The following EIF4G3 variants were observed in gnomAD, a reference collection of about 807,000 sequenced individuals.
The protein encoded by EIF4G3 is eukaryotic translation initiation factor 4 gamma 3, also known as eIF-4-gamma 3.
In EIF4G3, 34 loss-of-function variants were observed where a neutral mutation model predicts 186.4. That is an observed-to-expected ratio of 0.18 (90% CI 0.14 to 0.24). The LOEUF is 0.24. EIF4G3 is among the 10% of genes least tolerant of loss of function. EIF4G3 has a pLI of 1.00. For synonymous variants in EIF4G3, 673 were observed against 679.5 expected (o/e 0.99, Z 0.15); for missense variants, 1,536 against 1,948.5 (o/e 0.79, Z 3.99).
intron 4 of EIF4G3, among the ~76,000 whole-genome samples, chr1:21,011,590 T>A (rs1433262563): frequency 6.6e-6 from 1 of 152,176 alleles, no homozygotes; most frequent in Non-Finnish European, 1.5e-5. Flanking sequence ...ATAACCACCA[T>A]TACAGTCAAA....
chr1:21,034,755 G>A (rs1369787939), intron 4 of EIF4G3, among the ~76,000 whole-genome samples: 3 of 152,164 alleles, frequency 2.0e-5, no homozygotes, highest in Non-Finnish European at 2.9e-5. Flanking sequence ...GCCCTGGGAT[G>A]GTACCAGGTT....
At position 20,933,596 on chromosome 1, in the gene EIF4G3, C is replaced by A. The variant is rs12083667; in HGVS notation, c.1663+7895G>T. 3.9e-3 allele frequency among the ~76,000 whole-genome samples: 586 copies of A among 152,112 alleles called. 5 individuals are homozygous for A. Among genetic ancestry groups the A allele is most frequent in the African/African-American group, 0.014 (563 of 41,488 alleles). ...CTTGAACCTGGGAGGCGGAAGGTTG[C>A]AGTGAGCTGAGATCACACCACCGCA... On this transcript the variant is annotated intron_variant, in intron 14 of 36. Transcript: ENST00000602326.
At chr1:21,142,482 A>G (rs914753385) in intron 2 of EIF4G3, among the ~76,000 whole-genome samples, 1 of 152,156 alleles carries the variant, frequency 6.6e-6, no homozygotes, top group African/African-American at 2.4e-5. Context: ...ACTCCAGCCT[A>G]AGTGACAGAG....
At chr1:21,151,140 A>G (rs181383495) in intron 2 of EIF4G3, among the ~76,000 whole-genome samples, 1 of 151,944 alleles carries the variant, frequency 6.6e-6, no homozygotes, top group African/African-American at 2.4e-5. Context: ...TTGAATATAC[A>G]TGCTACTTTT....
chr1:20,903,811 G>A (rs2091230862), intron 15 of EIF4G3, among the ~76,000 whole-genome samples: 1 of 152,182 alleles, frequency 6.6e-6, no homozygotes, highest in Middle Eastern at 3.4e-3. Context: ...CACACTCAAA[G>A]TTATCTTAAG....
At chr1:21,092,687 T>C (rs1180739310) in intron 2 of EIF4G3, among the ~76,000 whole-genome samples, 3 of 152,124 alleles carry the variant, frequency 2.0e-5, no homozygotes, top group Admixed American at 6.6e-5. Flanking sequence ...TCACACTACC[T>C]GACTTCAAAC....
intron 2 of EIF4G3, among the ~76,000 whole-genome samples, chr1:21,093,740 G>GCACATAATATA (rs1388920375): frequency 3.3e-5 from 5 of 152,158 alleles, no homozygotes; most frequent in Admixed American, 1.3e-4. Context: ...AGAAAATGTG[G>GCACATAATATA]CACATAATAT....
intron 20 of EIF4G3, among the ~76,000 whole-genome samples, chr1:20,868,670 G>A (rs911908786): frequency 6.6e-6 from 1 of 152,148 alleles, no homozygotes; most frequent in Non-Finnish European, 1.5e-5. Flanking sequence ...TTAGACAACT[G>A]CAATTTTCAC....
At chr1:20,873,182 C>G (rs1426262039) in intron 20 of EIF4G3, among the ~76,000 whole-genome samples, 1 of 152,222 alleles carries the variant, frequency 6.6e-6, no homozygotes, top group African/African-American at 2.4e-5. Flanking sequence ...TTTACTCAAA[C>G]TTACTCTTGT....
At chr1:20,956,617 CAAAAAAAAAAA>C (rs61623629) in intron 12 of EIF4G3, among the ~76,000 whole-genome samples, 1 of 114,574 alleles carries the variant, frequency 8.7e-6, no homozygotes, top group Non-Finnish European at 1.7e-5. Context: ...GTATAATTTA[CAAAAAAAAAAA>C]AAAAAAAAAC....
intron 19 of EIF4G3, among the ~76,000 whole-genome samples, chr1:20,883,786 C>A (rs994801501): frequency 6.6e-6 from 1 of 152,028 alleles, no homozygotes; most frequent in Non-Finnish European, 1.5e-5. Context: ...ATTGAGAGAA[C>A]AAGCTGGAAA....
intron 3 of EIF4G3, among the ~76,000 whole-genome samples, chr1:21,053,408 A>AAGGGAGGT (rs1453144524): frequency 2.3e-5 from 3 of 130,982 alleles, no homozygotes; most frequent in African/African-American, 8.8e-5. Flanking sequence ...CCCCGTCTGG[A>AAGGGAGGT]AGGGAGGTGG....
chr1:21,098,833 C>T (rs1051069017), intron 2 of EIF4G3, among the ~76,000 whole-genome samples: 3 of 152,036 alleles, frequency 2.0e-5, no homozygotes, highest in Non-Finnish European at 4.4e-5. Context: ...GATGAAGTCT[C>T]GCTATGTTGC....
chr1:20,953,330 T>C (rs1437580722), intron 12 of EIF4G3, among the ~76,000 whole-genome samples: 2 of 152,146 alleles, frequency 1.3e-5, no homozygotes, highest in East Asian at 3.8e-4. Context: ...AAAAATAAAG[T>C]GTTTCTCACT....
Position 20,807,192 on chromosome 1 carries a change from C to A in EIF4G3, c.*127G>T. ...TCACCTTTTTTTCTCTTTCCCCTCT[C>A]CCACTCGTGCACACGTGGGGGTTTC... On this transcript the variant is annotated 3_prime_UTR_variant, in exon 37 of 37. Transcript: ENST00000602326. The A allele has an allele frequency of 1.4e-6, 1 of 733,916 alleles. No individual in the cohort carries two copies. The highest frequency in any genetic ancestry group is 2.1e-6 in the Non-Finnish European group (1 of 482,866). The allele number at this position is 733,916 out of a possible 1,614,324, so 45.5% of individuals were successfully genotyped here.
chr1:20,865,380 G>A, intron 20 of EIF4G3, 118 bp from the exon 21 acceptor site: 1 of 1,091,520 alleles, frequency 9.2e-7, no homozygotes. Flanking sequence ...CATTCTATAA[G>A]AGGCAAACAA....
chr1:20,899,282 T>C (rs187873419), intron 16 of EIF4G3, among the ~76,000 whole-genome samples: 2 of 152,346 alleles, frequency 1.3e-5, no homozygotes, highest in African/African-American at 4.8e-5. Context: ...CAATACATTG[T>C]TTCAGAATTC....
intron 14 of EIF4G3, among the ~76,000 whole-genome samples, chr1:20,918,093 C>T (rs2094106509): frequency 6.6e-6 from 1 of 152,138 alleles, no homozygotes; most frequent in African/African-American, 2.4e-5. Flanking sequence ...TAATATTCCT[C>T]TCTCCCAACT....
Position 21,105,549 on chromosome 1 carries a change from T to C in EIF4G3, c.-271-16336A>G, listed in dbSNP as rs141642843. Reference sequence around the variant, plus strand: ...TAAAATATGTTTTTTTAAGATTAAATAAAATACATAAAAAATAAAATAGTG... The same window carrying C: ...TAAAATATGTTTTTTTAAGATTAAACAAAATACATAAAAAATAAAATAGTG... On this transcript the variant is annotated intron_variant, in intron 2 of 36. Coordinates refer to ENST00000602326, the MANE Select transcript of EIF4G3 (RefSeq NM_001391906.1). Among the ~76,000 whole-genome samples, 861 of 151,634 alleles carry C rather than the reference T, an allele frequency of 5.7e-3. 13 individuals are homozygous for C. Among genetic ancestry groups the C allele is most frequent in the African/African-American group, 0.02 (819 of 41,376 alleles).
Sources: gnomAD v4.1 joint callset for allele counts (sites outside exome capture counted in the v4.1 genomes callset) on GRCh38, gnomAD v4.1.1 for gene constraint, MANE v1.5 for transcripts, NCBI Gene and HGNC (gene_info 2026-07-23, HGNC 2026-07-21) for gene names.